Variants in OSCP1 observed in about 807,000 individuals in gnomAD.
OSCP1 encodes the protein protein OSCP1.
OSCP1 carries 35 observed loss-of-function variants against 45.1 expected under a neutral mutation model. The ratio of observed to expected loss-of-function variants is 0.78; its 90% CI spans 0.59 to 1.03. The LOEUF (loss-of-function observed/expected upper bound fraction) is 1.03, where lower values mean the gene tolerates loss of function less well. Ranked by LOEUF, OSCP1 falls within the 50% of genes least tolerant of loss-of-function variation. The pLI, the probability that OSCP1 is intolerant of heterozygous loss-of-function variation, is 0.00. For missense variants in OSCP1, 400 were observed against 470.7 expected (o/e 0.85, Z 1.39); for synonymous variants, 179 against 180.1 (o/e 0.99, Z 0.05).
chr1:36,419,407 T>C (rs3738836), intron 8 of OSCP1: 26,231 of 247,556 alleles, frequency 0.11, 1,594 homozygotes, highest in East Asian at 0.28. Flanking sequence ...CTTATATCTG[T>C]ACACGTTCAC....
chr1:36,434,240 TCATTTGATCC>T (rs140200358), intron 2 of OSCP1, among the ~76,000 whole-genome samples: 3,129 of 152,274 alleles, frequency 0.021, 100 homozygotes, highest in African/African-American at 0.071. Flanking sequence ...ATATATTACC[TCATTTGATCC>T]CATTTATTCT....
At chr1:36,439,641 C>T (rs1385081259) in intron 1 of OSCP1, among the ~76,000 whole-genome samples, 1 of 152,136 alleles carries the variant, frequency 6.6e-6, no homozygotes, top group African/African-American at 2.4e-5. Context: ...TGAAAATAGA[C>T]AAGTCTACCC....
At chr1:36,423,011 A>C (rs182921400) in intron 5 of OSCP1, 115 bp from the exon 6 acceptor site, 9 of 692,078 alleles carry the variant, frequency 1.3e-5, no homozygotes, top group African/African-American at 3.8e-5. Context: ...CTTCAAGATA[A>C]AGGTGCTGGT....
At chr1:36,422,995 G>A (rs938008673) in intron 5 of OSCP1, 99 bp from the exon 6 acceptor site, 4 of 922,142 alleles carry the variant, frequency 4.3e-6, no homozygotes, top group Non-Finnish European at 4.5e-6. Flanking sequence ...AGGAATACAT[G>A]CTCTCCTTCA....
chr1:36,428,994 T>C (rs979695434), intron 4 of OSCP1, among the ~76,000 whole-genome samples: 1 of 152,174 alleles, frequency 6.6e-6, no homozygotes, highest in African/African-American at 2.4e-5. Context: ...AGGATGGTCT[T>C]GAACTCCTGG....
intron 1 of OSCP1, chr1:36,443,975 T>G: frequency 6.2e-7 from 1 of 1,608,118 alleles, no homozygotes; most frequent in Non-Finnish European, 8.5e-7. Flanking sequence ...GGATGCACAC[T>G]GAACACATGC....
chr1:36,448,590 G>A (rs1193435217), intron 1 of OSCP1, among the ~76,000 whole-genome samples: 3 of 152,216 alleles, frequency 2.0e-5, no homozygotes, highest in Admixed American at 1.3e-4. Context: ...GGGGTGCTAT[G>A]GGAGCACAGG....
At chr1:36,424,508 C>T (rs1425422338) in intron 4 of OSCP1, among the ~76,000 whole-genome samples, 1 of 152,172 alleles carries the variant, frequency 6.6e-6, no homozygotes, top group African/African-American at 2.4e-5. Context: ...GGTTAAGATG[C>T]CTCCTCAAGG....
chr1:36,431,960 C>A, intron 3 of OSCP1, 78 bp from the exon 4 acceptor site: 1 of 1,350,728 alleles, frequency 7.4e-7, no homozygotes, highest in Non-Finnish European at 1.0e-6. Flanking sequence ...CAGATGGGTA[C>A]TCAGGGATGG....
In OSCP1 at chr1:36,423,582, A is replaced by G. The variant is rs1647785423; in HGVS notation, c.517-116T>C. 6.3e-6 allele frequency: 5 copies of G among 794,804 alleles called. No individual in the cohort carries two copies. The Admixed American group carries it at 1.3e-4, about 21-fold the overall frequency. The allele number at this position is 794,804 out of a possible 1,614,324, so 49.2% of individuals were successfully genotyped here. ...ACATGACCTATGAGTTTATAACAATAAGAAGGGAGAGGCTGGGCGCAGTGG... is the reference window on the plus strand; with the variant it reads ...ACATGACCTATGAGTTTATAACAATGAGAAGGGAGAGGCTGGGCGCAGTGG... On this transcript the variant is annotated intron_variant, in intron 4 of 9. Coordinates refer to ENST00000235532, the MANE Select transcript of OSCP1 (RefSeq NM_145047.5).
chr1:36,428,894 G>A (rs1304274253), intron 4 of OSCP1, among the ~76,000 whole-genome samples: 3 of 152,172 alleles, frequency 2.0e-5, no homozygotes, highest in Admixed American at 6.5e-5. Flanking sequence ...GCAGTAAGCC[G>A]AGATTGTGCC....
chr1:36,438,232 G>T (rs551210634), intron 2 of OSCP1, among the ~76,000 whole-genome samples: 1 of 147,102 alleles, frequency 6.8e-6, no homozygotes, highest in Non-Finnish European at 1.5e-5. Flanking sequence ...CAGGAGAATC[G>T]CTTGAACCCG....
At chr1:36,433,835 A>T (rs1175117437) in intron 2 of OSCP1, among the ~76,000 whole-genome samples, 1 of 152,178 alleles carries the variant, frequency 6.6e-6, no homozygotes, top group Non-Finnish European at 1.5e-5. Context: ...AGTAGCTAGC[A>T]CCTGGTTCCT....
chr1:36,450,328 G>T lies in OSCP1; in HGVS notation c.42C>A (p.Gly14=), dbSNP rs202098892. The T allele has an allele frequency of 8.1e-6, 13 of 1,613,766 alleles. No individual in the cohort carries two copies. The highest frequency in any genetic ancestry group is 1.1e-5 in the Non-Finnish European group (13 of 1,179,952). ...GGTCGAGGATGTAAAGCATCTCCCCGCCCAAGTTCAAGAAGAGCAGCGGTA... is the reference window on the plus strand; with the variant it reads ...GGTCGAGGATGTAAAGCATCTCCCCTCCCAAGTTCAAGAAGAGCAGCGGTA... The part of the protein sequence containing the change: ...RTLPLLFLNL[G]GEMLYILDQR... The change falls in exon 1 of 10, where the codon GGC becomes GGA. Residue 14 remains glycine (G), a synonymous_variant. Transcript: ENST00000235532.
intron 2 of OSCP1, among the ~76,000 whole-genome samples, chr1:36,434,880 A>G (rs1450673332): frequency 6.6e-6 from 1 of 152,074 alleles, no homozygotes; most frequent in Admixed American, 6.6e-5. Flanking sequence ...TCATTGTCAA[A>G]CATTAAGTGC....
intron 4 of OSCP1, 134 bp from the exon 5 acceptor site, chr1:36,423,600 C>G: frequency 1.6e-6 from 1 of 610,910 alleles, no homozygotes; most frequent in South Asian, 1.9e-5. Flanking sequence ...AGAGGCTGGG[C>G]GCAGTGGATC....
At chr1:36,440,260 C>T (rs1180985254) in intron 1 of OSCP1, among the ~76,000 whole-genome samples, 2 of 152,116 alleles carry the variant, frequency 1.3e-5, no homozygotes, top group African/African-American at 2.4e-5. Context: ...CAGAAGTACC[C>T]GGAGGGCTCA....
chr1:36,427,604 A>G (rs1276195050), intron 4 of OSCP1, among the ~76,000 whole-genome samples: 1 of 152,182 alleles, frequency 6.6e-6, no homozygotes, highest in East Asian at 1.9e-4. Flanking sequence ...GGCGTGAGCC[A>G]CTGCACCCAG....
rs1649838864 is a variant in OSCP1, at chr1:36,450,436, G to A, written c.-67C>T. On this transcript the variant is annotated 5_prime_UTR_variant, in exon 1 of 10. Coordinates refer to ENST00000235532, the MANE Select transcript of OSCP1 (RefSeq NM_145047.5). ...CGGTAGCCAGTGGCCTGAAGGCCAG[G>A]CCGCAGCGTCCCAATAGTCCGGTTG... 3.0e-6 allele frequency: 4 copies of A among 1,323,604 alleles called. No individual in the cohort carries two copies. The highest frequency in any genetic ancestry group is 1.5e-5 in the African/African-American group (1 of 68,880). 82.0% of individuals were successfully genotyped at this position (1,323,604 alleles called of 1,614,324 possible). A position where few individuals can be genotyped will look rare whatever the true frequency, so the allele number is the denominator to read the frequency against.
Sources: allele counts gnomAD v4.1 joint callset (sites outside exome capture counted in the v4.1 genomes callset), GRCh38; gene constraint gnomAD v4.1.1; transcripts MANE v1.5; gene names NCBI Gene and HGNC (gene_info 2026-07-23, HGNC 2026-07-21).